The following TP53BP2 variants were observed in gnomAD, a reference collection of about 807,000 sequenced individuals.
TP53BP2 encodes the protein tumor protein p53 binding protein 2.
TP53BP2 carries 62 observed loss-of-function variants against 126.2 expected under a neutral mutation model. The observed-to-expected ratio is 0.49, with a 90% CI of 0.40 to 0.61. The LOEUF (loss-of-function observed/expected upper bound fraction) is 0.61, where lower values mean the gene tolerates loss of function less well. Ranked by LOEUF, TP53BP2 falls within the 20% of genes least tolerant of loss-of-function variation. The pLI is 0.00. For missense variants in TP53BP2, 1,215 were observed against 1,402.8 expected (o/e 0.87, Z 2.14); for synonymous variants, 485 against 502.9 (o/e 0.96, Z 0.48).
At chr1:223,818,197 T>C (rs1167400595) in intron 2 of TP53BP2, 1 of 152,472 alleles carries the variant, frequency 6.6e-6, no homozygotes, top group Non-Finnish European at 1.5e-5. Context: ...ATTCTGTTTA[T>C]ATTATTACCT....
intron 12 of TP53BP2, among the ~76,000 whole-genome samples, chr1:223,797,702 C>T (rs1153934): frequency 0.14 from 21,111 of 151,960 alleles, 2,046 homozygotes; most frequent in African/African-American, 0.26. Flanking sequence ...TGAGCCACTG[C>T]GCCCAGCCAC....
chr1:223,818,148 A>G (rs765113765), intron 2 of TP53BP2: 22 of 152,596 alleles, frequency 1.4e-4, no homozygotes, highest in Non-Finnish European at 2.6e-4. Flanking sequence ...AAGTGATTAC[A>G]TCAAGAGATC....
rs770857362 is a variant in TP53BP2, at chr1:223,795,835, C to T, written c.2704G>A (p.Gly902Arg). The T allele has an allele frequency of 1.9e-6, 3 of 1,549,344 alleles. No homozygotes were observed. Among genetic ancestry groups the T allele is most frequent in the African/African-American group, 1.4e-5 (1 of 72,350 alleles). The change falls in exon 13 of 18, where the codon GGG becomes AGG. Residue 902 changes from glycine to arginine, a missense_variant. Coordinates refer to ENST00000343537, the MANE Select transcript of TP53BP2 (RefSeq NM_001031685.3). The part of the protein sequence containing the change: ...SVSMRPPEIT[G>R]QVSLPPGKRT... ...CTTACAGGAGGCAGAGAGACCTGCC[C>T]GGTGATTTCAGGCGGGCGCATGCTC...
chr1:223,828,026 G>T (rs1663562905), intron 1 of TP53BP2, among the ~76,000 whole-genome samples: 1 of 152,060 alleles, frequency 6.6e-6, no homozygotes, highest in Admixed American at 6.5e-5. Flanking sequence ...GTTTTTATCA[G>T]CATGTTGAAA....
chr1:223,813,800 A>C (rs1246810985), intron 3 of TP53BP2, among the ~76,000 whole-genome samples: 1 of 151,882 alleles, frequency 6.6e-6, no homozygotes, highest in Non-Finnish European at 1.5e-5. Flanking sequence ...CCAGCTTCCC[A>C]CCCACCTCCA....
chr1:223,836,298 T>C (rs1232862143), intron 1 of TP53BP2, among the ~76,000 whole-genome samples: 1 of 152,210 alleles, frequency 6.6e-6, no homozygotes, highest in Admixed American at 6.5e-5. Context: ...CAACTTGCTG[T>C]GAGCAAGAGG....
intron 17 of TP53BP2, 122 bp downstream of exon 17, chr1:223,783,993 T>C (rs1661861842): frequency 1.2e-6 from 1 of 842,062 alleles, no homozygotes; most frequent in South Asian, 1.6e-5. Context: ...TATCAAAATG[T>C]TTAAATTCCA....
intron 3 of TP53BP2, among the ~76,000 whole-genome samples, chr1:223,812,751 G>T (rs1223178835): frequency 6.6e-6 from 1 of 152,058 alleles, no homozygotes; most frequent in Non-Finnish European, 1.5e-5. Context: ...GTAGAGACAG[G>T]GTTTCACCAT....
rs1390495660 is a variant in TP53BP2 at position 223,836,519 on chromosome 1, C to A, written c.27+9135G>T. On this transcript the variant is annotated intron_variant, in intron 1 of 17. Transcript: ENST00000343537. ...CACAAAAAGGCTGAAATCCACTGGG[C>A]TACACAATAAAGAAACTTTCTATCT... 3.3e-5 allele frequency among the ~76,000 whole-genome samples: 5 copies of A among 152,266 alleles called. No homozygotes were observed. The East Asian group carries it at 9.6e-4, about 29-fold the overall frequency.
intron 1 of TP53BP2, among the ~76,000 whole-genome samples, chr1:223,827,515 A>C (rs1385837113): frequency 6.6e-6 from 1 of 152,236 alleles, no homozygotes; most frequent in African/African-American, 2.4e-5. Context: ...GCAGAGGCAC[A>C]GTACAGACAA....
chr1:223,842,012 G>C (rs1445347618), intron 1 of TP53BP2, among the ~76,000 whole-genome samples: 1 of 151,550 alleles, frequency 6.6e-6, no homozygotes, highest in Non-Finnish European at 1.5e-5. Context: ...CGCGATCTCG[G>C]CTCACTGCAA....
At chr1:223,838,734 C>T (rs1422213601) in intron 1 of TP53BP2, among the ~76,000 whole-genome samples, 2 of 152,232 alleles carry the variant, frequency 1.3e-5, no homozygotes, top group Non-Finnish European at 2.9e-5. Context: ...ACATCATCAA[C>T]TTCAAGCCGT....
chr1:223,802,432 T>C, intron 8 of TP53BP2, 88 bp from the exon 9 acceptor site: 1 of 1,327,016 alleles, frequency 7.5e-7, no homozygotes, highest in Non-Finnish European at 1.0e-6. Flanking sequence ...TTCTTACTTT[T>C]TAAAATGAGC....
intron 2 of TP53BP2, among the ~76,000 whole-genome samples, chr1:223,820,339 G>A (rs1044537422): frequency 1.3e-5 from 2 of 152,236 alleles, no homozygotes; most frequent in Non-Finnish European, 2.9e-5. Flanking sequence ...AAGTGGAGGA[G>A]AAGTCGCTAG....
chr1:223,845,506 C>T, intron 1 of TP53BP2, 148 bp downstream of exon 1: 1 of 932,262 alleles, frequency 1.1e-6, no homozygotes, highest in Non-Finnish European at 1.5e-6. Context: ...CTTCCTGAAA[C>T]CCGCTCGAAG....
At chr1:223,834,570 A>G (rs1235645347) in intron 1 of TP53BP2, among the ~76,000 whole-genome samples, 1 of 152,216 alleles carries the variant, frequency 6.6e-6, no homozygotes, top group Non-Finnish European at 1.5e-5. Flanking sequence ...TTATATTTGC[A>G]TATTTTGAAT....
chr1:223,831,480 A>AATATATATATAT (rs10543436), intron 1 of TP53BP2, among the ~76,000 whole-genome samples: 2 of 32,460 alleles, frequency 6.2e-5, no homozygotes, highest in Non-Finnish European at 1.3e-4. Flanking sequence ...AAAAAAAAAA[A>AATATATATATAT]ATATATATAT....
At chr1:223,800,100 C>A in intron 10 of TP53BP2, 53 bp from the exon 11 acceptor site, 2 of 1,512,002 alleles carry the variant, frequency 1.3e-6, no homozygotes, top group Non-Finnish European at 8.9e-7. Flanking sequence ...TAAAGTATCT[C>A]ATTCACTCGT....
chr1:223,783,412 C>G (rs569580297), intron 17 of TP53BP2, among the ~76,000 whole-genome samples: 2 of 152,208 alleles, frequency 1.3e-5, no homozygotes, highest in African/African-American at 4.8e-5. Flanking sequence ...TCACCAACAG[C>G]AGATTCTGCA....
Sources: allele counts gnomAD v4.1 joint callset (sites outside exome capture counted in the v4.1 genomes callset), GRCh38; gene constraint gnomAD v4.1.1; transcripts MANE v1.5; gene names NCBI Gene and HGNC (gene_info 2026-07-23, HGNC 2026-07-21).